Variants in EPHA6 observed in about 807,000 individuals in gnomAD.
The protein encoded by EPHA6 is EPH receptor A6.
EPHA6 carries 50 observed loss-of-function variants against 112.0 expected under a neutral mutation model. The ratio of observed to expected loss-of-function variants is 0.45; its 90% CI spans 0.36 to 0.56. The LOEUF is 0.56. Among genes scored for constraint, EPHA6 ranks in the 20% least tolerant of loss-of-function variants. EPHA6 has a pLI of 0.00. For missense variants in EPHA6, 1,280 were observed against 1,417.4 expected, an observed-to-expected ratio of 0.90 and a Z score of 1.56; for synonymous variants, 529 against 490.7, an observed-to-expected ratio of 1.08 and a Z score of -1.03.
In EPHA6 at chr3:97,328,054, CATAT is replaced by C. The variant is rs71286029; in HGVS notation, c.1607-77074_1607-77071del. On this transcript the variant is annotated intron_variant, in intron 5 of 17. Coordinates refer to ENST00000389672, the MANE Select transcript of EPHA6 (RefSeq NM_001080448.3). ...GTGTATATATACACACATATATACA[CATAT>C]ATATATATATATATATATATAACCT... is the stretch of plus-strand genomic sequence containing the variant. Among the ~76,000 whole-genome samples the C allele has an allele frequency of 4.3e-4, 52 of 120,872 alleles. 3 individuals are homozygous for C. Among genetic ancestry groups the C allele is most frequent in the African/African-American group, 7.7e-4 (20 of 25,934 alleles). The allele number at this position is 120,872 out of a possible 152,430, so 79.3% of individuals were successfully genotyped here.
chr3:97,634,379 C>T (rs301933), intron 13 of EPHA6, among the ~76,000 whole-genome samples: 143,414 of 150,970 alleles, frequency 0.95, 68,585 homozygotes, highest in Non-Finnish European at 0.99. Context: ...GAGCTTTTTT[C>T]TTTTCGTCAA....
intron 3 of EPHA6, among the ~76,000 whole-genome samples, chr3:97,214,038 T>TGTGTGTGTGTGTGAGAGAGAGA (rs1491420279): frequency 2.6e-5 from 2 of 77,784 alleles, no homozygotes; most frequent in African/African-American, 7.0e-5. Flanking sequence ...TGTGTGTGTG[T>TGTGTGTGTGTGTGAGAGAGAGA]GAGAGAGAGA....
intron 2 of EPHA6, among the ~76,000 whole-genome samples, chr3:96,936,413 A>T (rs1413733763): frequency 6.6e-6 from 1 of 152,090 alleles, no homozygotes; most frequent in Non-Finnish European, 1.5e-5. Context: ...TCAAGCTGTT[A>T]TGAATCCATT....
rs75273186 is a variant in EPHA6 at position 96,878,943 on chromosome 3, C to A, written c.450+12054C>A. ...CTAAGTTTGCCATCAATAAATATCA[C>A]TTAAGTGAAAACTGAATAAATTGAT... On this transcript the variant is annotated intron_variant, in intron 2 of 17. Transcript: ENST00000389672. 7.9e-5 allele frequency among the ~76,000 whole-genome samples: 12 copies of A among 152,060 alleles called. No homozygotes were observed. In the East Asian group the frequency reaches 2.3e-3, roughly 29 times the overall value.
chr3:97,713,501 A>T (rs1307911071), intron 14 of EPHA6, among the ~76,000 whole-genome samples: 1 of 152,242 alleles, frequency 6.6e-6, no homozygotes, highest in Non-Finnish European at 1.5e-5. Context: ...TTATCAGCTT[A>T]TAAAAATTGG....
chr3:97,102,157 C>A (rs1419827340), intron 3 of EPHA6, among the ~76,000 whole-genome samples: 3 of 152,040 alleles, frequency 2.0e-5, no homozygotes, highest in Admixed American at 2.0e-4. Context: ...TTGTGAGCTG[C>A]ATGTTGGAGA....
rs1035443463 is a variant in EPHA6, at chr3:97,755,979, T to A, written c.*7278T>A. Among the ~76,000 whole-genome samples, 1 of 152,044 alleles carries A rather than the reference T, an allele frequency of 6.6e-6. No homozygotes were observed. The highest frequency in any genetic ancestry group is 2.4e-5 in the African/African-American group (1 of 41,452). ...TATAATTAAAAATCTCTTTCCTACC[T>A]TTAGTAATTTGTAGGATGAACTGTA... On this transcript the variant is annotated 3_prime_UTR_variant, in exon 18 of 18. Transcript: ENST00000389672.
At chr3:97,534,062 G>C (rs1049434770) in intron 11 of EPHA6, among the ~76,000 whole-genome samples, 5 of 152,092 alleles carry the variant, frequency 3.3e-5, no homozygotes, top group African/African-American at 1.2e-4. Context: ...CAAACAGATG[G>C]ACCCCAGTTA....
intron 10 of EPHA6, among the ~76,000 whole-genome samples, chr3:97,527,304 G>A (rs2092635052): frequency 6.6e-6 from 1 of 152,092 alleles, no homozygotes; most frequent in South Asian, 2.1e-4. Context: ...GTGCAGGTCT[G>A]TACTCTCAAA....
chr3:97,328,153 G>A lies in EPHA6; in HGVS notation c.1607-76997G>A, dbSNP rs1383243326. On this transcript the variant is annotated intron_variant, in intron 5 of 17. Transcript: ENST00000389672. The stretch of plus-strand genomic sequence containing the variant: ...TTGTTAGTTATTAAACAAAAAAACA[G>A]CTATGTACATTTATACACAGGTTTT... 4.0e-5 allele frequency among the ~76,000 whole-genome samples: 6 copies of A among 149,478 alleles called. No individual in the cohort carries two copies. In the East Asian group the frequency reaches 9.9e-4, roughly 25 times the overall value.
intron 11 of EPHA6, among the ~76,000 whole-genome samples, chr3:97,591,514 C>T (rs564116853): frequency 1.4e-4 from 22 of 152,004 alleles, no homozygotes; most frequent in African/African-American, 4.3e-4. Flanking sequence ...AGTGGCTGAA[C>T]GAAATACAGT....
intron 2 of EPHA6, among the ~76,000 whole-genome samples, chr3:96,875,125 A>T (rs924542303): frequency 3.3e-5 from 5 of 151,816 alleles, no homozygotes; most frequent in Admixed American, 1.3e-4. Context: ...TTGTACTTAT[A>T]ATAATAATAA....
chr3:97,708,036 G>A (rs1050063424), intron 14 of EPHA6, among the ~76,000 whole-genome samples: 7 of 152,334 alleles, frequency 4.6e-5, no homozygotes, highest in African/African-American at 1.7e-4. Context: ...GGTGCCAAGA[G>A]TGGGGTACTG....
intron 1 of EPHA6, among the ~76,000 whole-genome samples, chr3:96,839,840 A>G (rs910483460): frequency 1.3e-5 from 2 of 152,096 alleles, no homozygotes; most frequent in East Asian, 1.9e-4. Context: ...CAGTAAATCT[A>G]TTATATTATT....
chr3:97,409,180 T>C (rs1430664556), intron 6 of EPHA6, among the ~76,000 whole-genome samples: 2 of 152,096 alleles, frequency 1.3e-5, no homozygotes, highest in African/African-American at 2.4e-5. Context: ...GAAAGACCTA[T>C]ACACATATGT....
chr3:96,948,923 T>A (rs1356294870), intron 2 of EPHA6, among the ~76,000 whole-genome samples: 1 of 152,196 alleles, frequency 6.6e-6, no homozygotes, highest in Non-Finnish European at 1.5e-5. Flanking sequence ...TTTGACTGTG[T>A]GCATCCTAAG....
At chr3:97,676,839 G>T (rs1176992131) in intron 14 of EPHA6, among the ~76,000 whole-genome samples, 1 of 152,150 alleles carries the variant, frequency 6.6e-6, no homozygotes, top group Non-Finnish European at 1.5e-5. Flanking sequence ...TCTCCATCAT[G>T]TTGGAGATGT....
chr3:97,436,974 C>T (rs1395888776), intron 6 of EPHA6, among the ~76,000 whole-genome samples: 1 of 152,026 alleles, frequency 6.6e-6, no homozygotes, highest in East Asian at 1.9e-4. Context: ...CCACACGTGG[C>T]CCAGGACGGC....
chr3:97,182,727 T>C (rs1245386619), intron 3 of EPHA6, among the ~76,000 whole-genome samples: 1 of 152,154 alleles, frequency 6.6e-6, no homozygotes, highest in Non-Finnish European at 1.5e-5. Context: ...AGACAGATGA[T>C]GTTTTCTTCA....
Sources: gnomAD v4.1 joint callset for allele counts (sites outside exome capture counted in the v4.1 genomes callset) on GRCh38, gnomAD v4.1.1 for gene constraint, MANE v1.5 for transcripts, NCBI Gene and HGNC (gene_info 2026-07-23, HGNC 2026-07-21) for gene names.